KCNJ6: variants seen among roughly 807,000 people sequenced by gnomAD.
The protein encoded by KCNJ6 is G protein-activated inward rectifier potassium channel 2.
In KCNJ6, 9 loss-of-function variants were observed where a neutral mutation model predicts 34.2. The observed-to-expected ratio is 0.26, with a 90% CI of 0.16 to 0.46. The LOEUF is 0.46. KCNJ6 is among the 20% of genes least tolerant of loss of function. The pLI, the probability that KCNJ6 is intolerant of heterozygous loss-of-function variation, is 1.00. For missense variants in KCNJ6, 236 were observed against 531.3 expected (o/e 0.44, Z 5.46); for synonymous variants, 196 against 207.1 (o/e 0.95, Z 0.46).
intron 1 of KCNJ6, among the ~76,000 whole-genome samples, chr21:37,864,868 TC>T (rs1568877162): frequency 2.1e-4 from 29 of 139,146 alleles, no homozygotes; most frequent in African/African-American, 8.3e-4. Context: ...TCTGTCTCTC[TC>T]TCTTTTTTTT....
rs760597650 is a variant in KCNJ6, at chr21:37,914,008, G to GGGGTGTGT, written c.-28+1875_-28+1876insACACACCC. 3.6e-3 allele frequency among the ~76,000 whole-genome samples: 486 copies of GGGGTGTGT among 135,588 alleles called. 8 individuals carry two copies. The East Asian group carries it at 0.048, about 13-fold the overall frequency. The allele number at this position is 135,588 out of a possible 152,430, so 89.0% of individuals were successfully genotyped here. ...GCAACCCTCGTCAGAGGCGGATCGGGGTGTGTGTGTGTGTGTGTGTGTGTG... is the reference window on the plus strand; with the variant it reads ...GCAACCCTCGTCAGAGGCGGATCGGGGGGTGTGTGTGTGTGTGTGTGTGTGTGTGTGTG... On this transcript the variant is annotated intron_variant, in intron 1 of 3. Coordinates refer to ENST00000609713, the MANE Select transcript of KCNJ6 (RefSeq NM_002240.5).
At chr21:37,737,004 G>A (rs759852262) in intron 2 of KCNJ6, among the ~76,000 whole-genome samples, 14 of 152,186 alleles carry the variant, frequency 9.2e-5, no homozygotes, top group South Asian at 2.1e-4. Flanking sequence ...AACAAATTAC[G>A]TTGGGGGCAC....
At chr21:37,756,071 A>G (rs1180022278) in intron 2 of KCNJ6, among the ~76,000 whole-genome samples, 2 of 152,340 alleles carry the variant, frequency 1.3e-5, no homozygotes, top group African/African-American at 4.8e-5. Context: ...ACGCTGACAC[A>G]GCACCCTCGT....
intron 2 of KCNJ6, among the ~76,000 whole-genome samples, chr21:37,790,760 C>T (rs1462559122): frequency 6.6e-6 from 1 of 152,198 alleles, no homozygotes; most frequent in Non-Finnish European, 1.5e-5. Flanking sequence ...GTCTTCATTT[C>T]TGCTCCTCTT....
At chr21:37,700,783 G>C (rs2054686751) in intron 3 of KCNJ6, among the ~76,000 whole-genome samples, 1 of 152,108 alleles carries the variant, frequency 6.6e-6, no homozygotes, top group Admixed American at 6.5e-5. Flanking sequence ...CCACATCTTA[G>C]GGGTACAGCT....
chr21:37,749,011 T>C (rs1469237720), intron 2 of KCNJ6, among the ~76,000 whole-genome samples: 2 of 152,228 alleles, frequency 1.3e-5, no homozygotes, highest in Non-Finnish European at 2.9e-5. Flanking sequence ...TAGATGTATA[T>C]GTGTATGCAT....
intron 2 of KCNJ6, among the ~76,000 whole-genome samples, chr21:37,816,187 G>T (rs2055345931): frequency 6.6e-6 from 1 of 152,184 alleles, no homozygotes; most frequent in South Asian, 2.1e-4. Context: ...CTTTTCTGGA[G>T]CACTTTATTG....
At chr21:37,650,767 A>G (rs1012699671) in intron 3 of KCNJ6, among the ~76,000 whole-genome samples, 1 of 152,112 alleles carries the variant, frequency 6.6e-6, no homozygotes, top group African/African-American at 2.4e-5. Context: ...TCCTTCCCCA[A>G]CTAGGCTGTC....
chr21:37,663,840 C>G (rs541690394), intron 3 of KCNJ6, among the ~76,000 whole-genome samples: 125 of 152,316 alleles, frequency 8.2e-4, no homozygotes, highest in African/African-American at 2.7e-3. Context: ...AGAATATACG[C>G]ATACCTATGA....
At chr21:37,753,027 G>A (rs1189812833) in intron 2 of KCNJ6, among the ~76,000 whole-genome samples, 2 of 152,228 alleles carry the variant, frequency 1.3e-5, no homozygotes, top group Non-Finnish European at 2.9e-5. Context: ...AAGAGGGCAA[G>A]GTGGGCTGGG....
intron 2 of KCNJ6, among the ~76,000 whole-genome samples, chr21:37,828,885 CT>C (rs2055411667): frequency 6.6e-6 from 1 of 152,238 alleles, no homozygotes; most frequent in African/African-American, 2.4e-5. Context: ...CACCCTCCAG[CT>C]TTTCTCTTGG....
At chr21:37,761,987 T>TA (rs1390411199) in intron 2 of KCNJ6, among the ~76,000 whole-genome samples, 9 of 152,136 alleles carry the variant, frequency 5.9e-5, no homozygotes, top group Admixed American at 1.3e-4. Flanking sequence ...TAATTAGGAA[T>TA]AAAGAGGAGT....
chr21:37,878,814 G>A (rs1020854422), intron 1 of KCNJ6, among the ~76,000 whole-genome samples: 3 of 152,294 alleles, frequency 2.0e-5, no homozygotes, highest in South Asian at 2.1e-4. Context: ...GGCATGTGAC[G>A]ACCAGCACTC....
chr21:37,827,806 A>T (rs949049930), intron 2 of KCNJ6, among the ~76,000 whole-genome samples: 3 of 152,128 alleles, frequency 2.0e-5, no homozygotes, highest in Non-Finnish European at 4.4e-5. Flanking sequence ...ATACACAGGG[A>T]ACATAATCAA....
chr21:37,637,846 G>A (rs939564852), intron 3 of KCNJ6, among the ~76,000 whole-genome samples: 1 of 152,244 alleles, frequency 6.6e-6, no homozygotes, highest in African/African-American at 2.4e-5. Flanking sequence ...AAGAGGCCGT[G>A]TGAGGACACA....
intron 3 of KCNJ6, among the ~76,000 whole-genome samples, chr21:37,687,701 G>C (rs1326338453): frequency 1.3e-5 from 2 of 152,102 alleles, no homozygotes; most frequent in African/African-American, 4.8e-5. Flanking sequence ...TGGTCTGGGA[G>C]ACCAGTCAGC....
rs111842993 is a variant in KCNJ6, at chr21:37,693,433, C to T, written c.946+20778G>A. ...GGCGGATGAGTCCATAAGACAGAAT[C>T]CTGGAGGAGAACCAGGAAATCAAAC... is the stretch of plus-strand genomic sequence containing the variant. On this transcript the variant is annotated intron_variant, in intron 3 of 3. Coordinates refer to ENST00000609713, the MANE Select transcript of KCNJ6 (RefSeq NM_002240.5). 7.8e-3 allele frequency among the ~76,000 whole-genome samples: 1,191 copies of T among 152,250 alleles called. 8 individuals carry two copies. The highest frequency in any genetic ancestry group is 0.01 in the Non-Finnish European group (686 of 68,018).
At position 37,614,264 on chromosome 21, in the gene KCNJ6, C is replaced by T. The variant is rs1601386589; in HGVS notation, c.*10895G>A. The T allele has an allele frequency of 6.6e-6, 1 of 152,202 alleles. No individual in the cohort carries two copies. The highest frequency in any genetic ancestry group is 2.1e-4 in the South Asian group (1 of 4,822). The allele number at this position is 152,202 out of a possible 1,614,324, so 9.4% of individuals were successfully genotyped here. A position where few individuals can be genotyped will look rare whatever the true frequency, so the allele number is the denominator to read the frequency against. ...GTATGGTACATTTTTAAAATAATGC[C>T]ACAGTGCATGCAGGGGAGGAACGCC... On this transcript the variant is annotated 3_prime_UTR_variant, in exon 4 of 4. Coordinates refer to ENST00000609713, the MANE Select transcript of KCNJ6 (RefSeq NM_002240.5).
At chr21:37,779,320 G>C (rs143403202) in intron 2 of KCNJ6, among the ~76,000 whole-genome samples, 1 of 152,186 alleles carries the variant, frequency 6.6e-6, no homozygotes, top group East Asian at 1.9e-4. Context: ...AGCTTTGTGA[G>C]GGCAGCTCTG....
Sources: allele counts gnomAD v4.1 joint callset (sites outside exome capture counted in the v4.1 genomes callset), GRCh38; gene constraint gnomAD v4.1.1; transcripts MANE v1.5; gene names NCBI Gene and HGNC (gene_info 2026-07-23, HGNC 2026-07-21).